Variants in GRM5 observed in about 807,000 individuals in gnomAD.
GRM5 encodes the protein glutamate metabotropic receptor 5, also known as metabotropic glutamate receptor 5.
In GRM5, 19 loss-of-function variants were observed where a neutral mutation model predicts 83.1. That is an observed-to-expected ratio of 0.23 (90% confidence interval 0.16 to 0.34). The LOEUF (loss-of-function observed/expected upper bound fraction) is 0.34, where lower values mean the gene tolerates loss of function less well. Ranked by LOEUF, GRM5 falls within the 10% of genes least tolerant of loss-of-function variation. GRM5 has a pLI of 1.00. For synonymous variants in GRM5, 675 were observed against 633.6 expected, an observed-to-expected ratio of 1.07 and a Z score of -0.98; for missense variants, 1,160 against 1,588.3, an observed-to-expected ratio of 0.73 and a Z score of 4.58.
At position 88,507,386 on chromosome 11, in the gene GRM5, T is replaced by G. The variant is rs1046305924; in HGVS notation, c.*1206A>C. The G allele has an allele frequency of 6.6e-6, 1 of 152,216 alleles. No homozygotes were observed. The highest frequency in any genetic ancestry group is 3.2e-3 in the Middle Eastern group (1 of 316). The allele number at this position is 152,216 out of a possible 1,614,324, so 9.4% of individuals were successfully genotyped here. On this transcript the variant is annotated 3_prime_UTR_variant, in exon 10 of 10. Transcript: ENST00000305447. ...GCTGCCCTGTTTAAGCAGCCAAGAA[T>G]AGTTAAAATCACTGCTCACTGGCAT...
chr11:88,582,424 TA>T (rs140431659), intron 7 of GRM5, among the ~76,000 whole-genome samples: 2,628 of 152,082 alleles, frequency 0.017, 76 homozygotes, highest in African/African-American at 0.06. Flanking sequence ...AGCACAGTGT[TA>T]AAAAAAGAGT....
intron 4 of GRM5, among the ~76,000 whole-genome samples, chr11:88,624,443 C>G (rs759593885): frequency 6.6e-6 from 1 of 152,200 alleles, no homozygotes; most frequent in South Asian, 2.1e-4. Flanking sequence ...GCCTTATGGA[C>G]GTACTCATGT....
intron 3 of GRM5, among the ~76,000 whole-genome samples, chr11:88,844,587 C>A (rs1254221008): frequency 6.6e-6 from 1 of 152,134 alleles, no homozygotes; most frequent in Non-Finnish European, 1.5e-5. Context: ...AAATACATTT[C>A]ATAAAGCCAT....
At chr11:88,711,401 G>A (rs997301863) in intron 3 of GRM5, among the ~76,000 whole-genome samples, 7 of 152,128 alleles carry the variant, frequency 4.6e-5, no homozygotes, top group Non-Finnish European at 8.8e-5. Flanking sequence ...CAAGGAAAAA[G>A]GGAGAGTGGG....
intron 2 of GRM5, among the ~76,000 whole-genome samples, chr11:88,951,006 T>A (rs1938443270): frequency 1.3e-5 from 2 of 152,202 alleles, no homozygotes; most frequent in Admixed American, 1.3e-4. Context: ...GAAAATGAAT[T>A]TATTTAGCAG....
At chr11:88,688,252 TA>T (rs1291398483) in intron 3 of GRM5, among the ~76,000 whole-genome samples, 1 of 152,200 alleles carries the variant, frequency 6.6e-6, no homozygotes, top group Non-Finnish European at 1.5e-5. Flanking sequence ...AAATAGTGGA[TA>T]AAATATAGTT....
At chr11:88,962,239 T>C (rs11021686) in intron 2 of GRM5, among the ~76,000 whole-genome samples, 3,674 of 152,174 alleles carry the variant, frequency 0.024, 81 homozygotes, top group East Asian at 0.097. Flanking sequence ...CATCAGTTTA[T>C]CCATCAGTTT....
intron 2 of GRM5, among the ~76,000 whole-genome samples, chr11:89,012,028 G>A (rs61004924): frequency 0.012 from 1,780 of 152,048 alleles, 22 homozygotes; most frequent in African/African-American, 0.035. Flanking sequence ...TAGCAATAAT[G>A]CATAGGCTAA....
At chr11:88,979,697 G>A (rs2135020796) in intron 2 of GRM5, among the ~76,000 whole-genome samples, 1 of 152,066 alleles carries the variant, frequency 6.6e-6, no homozygotes, top group East Asian at 1.9e-4. Context: ...CTGTGCTTAG[G>A]TCTGATGCTT....
At chr11:88,699,513 G>A (rs902997166) in intron 3 of GRM5, among the ~76,000 whole-genome samples, 11 of 152,110 alleles carry the variant, frequency 7.2e-5, no homozygotes, top group African/African-American at 2.7e-4. Flanking sequence ...CTCTGTCTGG[G>A]CCTCTCCATC....
chr11:88,674,897 A>C (rs768992294), intron 3 of GRM5, among the ~76,000 whole-genome samples: 1 of 151,900 alleles, frequency 6.6e-6, no homozygotes, highest in South Asian at 2.1e-4. Context: ...ATAAAGTCCA[A>C]ACTCCTTGAG....
intron 1 of GRM5, among the ~76,000 whole-genome samples, chr11:89,051,280 G>T (rs1171922930): frequency 1.3e-5 from 2 of 150,778 alleles, no homozygotes; most frequent in African/African-American, 4.9e-5. Flanking sequence ...AAAATATACA[G>T]AAGAATGAAA....
At chr11:88,608,585 A>C (rs2927494) in intron 4 of GRM5, among the ~76,000 whole-genome samples, 110,052 of 145,414 alleles carry the variant, frequency 0.76, 45,234 homozygotes, top group Non-Finnish European at 0.92. Context: ...GTGGCGCGAT[A>C]TTGGCTCACT....
chr11:89,015,634 G>A (rs1252337891), intron 2 of GRM5, among the ~76,000 whole-genome samples: 1 of 152,174 alleles, frequency 6.6e-6, no homozygotes, highest in East Asian at 1.9e-4. Flanking sequence ...ACTTTATTCT[G>A]TGTGTGTTTT....
intron 3 of GRM5, among the ~76,000 whole-genome samples, chr11:88,673,273 T>A (rs754884939): frequency 6.6e-6 from 1 of 151,874 alleles, no homozygotes; most frequent in Non-Finnish European, 1.5e-5. Context: ...AAATACTGTG[T>A]TTATGAGGAC....
chr11:88,882,775 G>T (rs1179865455), intron 2 of GRM5, among the ~76,000 whole-genome samples: 1 of 151,964 alleles, frequency 6.6e-6, no homozygotes, highest in East Asian at 1.9e-4. Flanking sequence ...ACAAGGTTTG[G>T]CTGTGTTCCC....
At chr11:88,723,444 G>A (rs1029190249) in intron 3 of GRM5, among the ~76,000 whole-genome samples, 3 of 152,068 alleles carry the variant, frequency 2.0e-5, no homozygotes, top group Non-Finnish European at 2.9e-5. Flanking sequence ...TTGTTATGTA[G>A]GAAACTGTTT....
At chr11:88,732,169 C>A (rs564027441) in intron 3 of GRM5, among the ~76,000 whole-genome samples, 11 of 152,106 alleles carry the variant, frequency 7.2e-5, no homozygotes, top group African/African-American at 2.4e-4. Flanking sequence ...AAACTAAAAC[C>A]AATTGTTGAA....
At chr11:88,957,850 T>C (rs1350358789) in intron 2 of GRM5, among the ~76,000 whole-genome samples, 2 of 152,116 alleles carry the variant, frequency 1.3e-5, no homozygotes, top group African/African-American at 4.8e-5. Context: ...AAAAAAAGTA[T>C]CCAAATTTAT....
Sources: allele counts gnomAD v4.1 joint callset (sites outside exome capture counted in the v4.1 genomes callset), GRCh38; gene constraint gnomAD v4.1.1; transcripts MANE v1.5; gene names NCBI Gene and HGNC (gene_info 2026-07-23, HGNC 2026-07-21).